Variants in IPP observed in about 807,000 individuals in gnomAD.
IPP encodes intracisternal A particle-promoted polypeptide.
In IPP, 41 loss-of-function variants were observed where a neutral mutation model predicts 64.1. The observed-to-expected ratio is 0.64, with a 90% CI of 0.50 to 0.83. The LOEUF (loss-of-function observed/expected upper bound fraction) is 0.83, where lower values mean the gene tolerates loss of function less well. Among genes scored for constraint, IPP ranks in the 40% least tolerant of loss-of-function variants. The probability of loss-of-function intolerance (pLI) is 0.00; values close to 1 mark genes in which losing one functional copy is unlikely to be tolerated. For synonymous variants in IPP, 214 were observed against 235.2 expected (o/e 0.91, Z 0.83); for missense variants, 649 against 703.0 (o/e 0.92, Z 0.87).
chr1:45,750,217 T>C (rs1646203029), intron 1 of IPP, among the ~76,000 whole-genome samples: 1 of 152,236 alleles, frequency 6.6e-6, no homozygotes, highest in African/African-American at 2.4e-5. Context: ...CGTGGTTCTT[T>C]GTGCTTGAGT....
At chr1:45,736,839 A>C (rs1226544003) in intron 3 of IPP, among the ~76,000 whole-genome samples, 1 of 151,880 alleles carries the variant, frequency 6.6e-6, no homozygotes, top group Admixed American at 6.6e-5. Flanking sequence ...GGAGATCGAG[A>C]CCATCCTGGC....
chr1:45,740,363 T>C (rs970881984), intron 3 of IPP, among the ~76,000 whole-genome samples: 8 of 152,170 alleles, frequency 5.3e-5, no homozygotes, highest in Admixed American at 2.0e-4. Flanking sequence ...GGGTGGTGGC[T>C]GGGCAGAGGG....
chr1:45,714,176 G>A (rs894115671), intron 8 of IPP, 70 bp downstream of exon 8: 2 of 1,088,720 alleles, frequency 1.8e-6, no homozygotes, highest in Admixed American at 1.8e-5. Context: ...GAAAAAGAGT[G>A]CATCACCACA....
At chr1:45,746,575 A>G in intron 1 of IPP, 114 bp from the exon 2 acceptor site, 1 of 568,910 alleles carries the variant, frequency 1.8e-6, no homozygotes, top group South Asian at 2.3e-5. Context: ...TAAAACAAAT[A>G]AGGACTAAAG....
At chr1:45,738,762 C>G (rs998548358) in intron 3 of IPP, among the ~76,000 whole-genome samples, 5 of 149,252 alleles carry the variant, frequency 3.4e-5, no homozygotes, top group African/African-American at 1.2e-4. Flanking sequence ...ATGGTGTGAA[C>G]CCAGGAGGCG....
intron 8 of IPP, among the ~76,000 whole-genome samples, chr1:45,711,301 A>G (rs1171745240): frequency 2.0e-5 from 3 of 152,128 alleles, no homozygotes; most frequent in Non-Finnish European, 4.4e-5. Flanking sequence ...AGATCACGCC[A>G]TTGCACTTCA....
Position 45,741,345 on chromosome 1 carries a change from G to A in IPP, c.293-13C>T. ...ATGTTCACTATACCTAGAGAAGTAG[G>A]AAGACAAAATGGCCAATAAAATAAA... is the stretch of plus-strand genomic sequence containing the variant. On this transcript the variant is annotated splice_polypyrimidine_tract_variant and intron_variant, in intron 2 of 8. Transcript: ENST00000396478. 1.3e-6 allele frequency: 2 copies of A among 1,553,082 alleles called. No individual in the cohort carries two copies. Among genetic ancestry groups the A allele is most frequent in the Non-Finnish European group, 1.7e-6 (2 of 1,145,008 alleles).
chr1:45,706,212 A>C (rs967575155), intron 8 of IPP, among the ~76,000 whole-genome samples: 5 of 152,172 alleles, frequency 3.3e-5, no homozygotes, highest in Admixed American at 3.3e-4. Context: ...CACCTGGGGC[A>C]ATCAGCAGAG....
chr1:45,746,004 A>T, intron 2 of IPP, 116 bp downstream of exon 2: 1 of 862,540 alleles, frequency 1.2e-6, no homozygotes, highest in East Asian at 2.6e-5. Context: ...TTTCAGTCAC[A>T]TAATAACATG....
intron 1 of IPP, among the ~76,000 whole-genome samples, chr1:45,747,116 A>T (rs78525467): frequency 1.4e-4 from 21 of 149,988 alleles, no homozygotes; most frequent in Non-Finnish European, 2.8e-4. Context: ...GCGCGCGCAC[A>T]CGAGCGCGCG....
intron 3 of IPP, among the ~76,000 whole-genome samples, chr1:45,739,380 C>T (rs1239225985): frequency 2.0e-5 from 3 of 149,400 alleles, no homozygotes; most frequent in Non-Finnish European, 4.4e-5. Context: ...ACTATAAGTG[C>T]ATGCCACCGT....
intron 8 of IPP, among the ~76,000 whole-genome samples, chr1:45,704,953 C>G (rs1645497818): frequency 6.6e-6 from 1 of 152,158 alleles, no homozygotes; most frequent in Admixed American, 6.6e-5. Context: ...TCTGAATAAC[C>G]CACCACTTAA....
chr1:45,737,866 T>G (rs1305450625), intron 3 of IPP, among the ~76,000 whole-genome samples: 1 of 152,030 alleles, frequency 6.6e-6, no homozygotes, highest in African/African-American at 2.4e-5. Context: ...CATAGGTACT[T>G]TATCATCTCA....
At position 45,719,185 on chromosome 1, in the gene IPP, A is replaced by C; in HGVS notation, c.1186+18T>G. ...CATAAACAATATTAGCTATCTTTAA[A>C]CTGAACAACATAATTACCCAAAGCA... On this transcript the variant is annotated intron_variant, in intron 6 of 8. Transcript: ENST00000396478. 6.2e-7 allele frequency: 1 copy of C among 1,613,290 alleles called. No individual in the cohort carries two copies.
In IPP at chr1:45,747,516, C is replaced by T. The variant is rs1028178846; in HGVS notation, c.-50-1055G>A. 4.6e-5 allele frequency among the ~76,000 whole-genome samples: 7 copies of T among 152,136 alleles called. No individual in the cohort carries two copies. The East Asian group carries it at 5.8e-4, about 13-fold the overall frequency. On this transcript the variant is annotated intron_variant, in intron 1 of 8. Transcript: ENST00000396478. Reference sequence around the variant, plus strand: ...ATAGGAATTATTAGGCCACCGGACACGTTCTAAATTACTTTTTAAATAAAG... The same window carrying T: ...ATAGGAATTATTAGGCCACCGGACATGTTCTAAATTACTTTTTAAATAAAG...
chr1:45,724,812 C>G (rs1277747093), intron 5 of IPP, among the ~76,000 whole-genome samples: 2 of 151,012 alleles, frequency 1.3e-5, no homozygotes, highest in Non-Finnish European at 3.0e-5. Context: ...GTGAGGAGCC[C>G]CTCCGTCCGG....
At chr1:45,748,655 G>C (rs1199084783) in intron 1 of IPP, among the ~76,000 whole-genome samples, 3 of 152,060 alleles carry the variant, frequency 2.0e-5, no homozygotes, top group Non-Finnish European at 2.9e-5. Flanking sequence ...CTGGACAACA[G>C]AGCAAGACCG....
Position 45,746,070 on chromosome 1 carries a change from T to C in IPP, c.292+50A>G, listed in dbSNP as rs375600092. Reference sequence around the variant, plus strand: ...CAATTTATATTTCCACATTAGTGCATGAGTGATTGAATCATTCTTCAGTCA... The same window carrying C: ...CAATTTATATTTCCACATTAGTGCACGAGTGATTGAATCATTCTTCAGTCA... On this transcript the variant is annotated intron_variant, in intron 2 of 8. Coordinates refer to ENST00000396478, the MANE Select transcript of IPP (RefSeq NM_005897.3). The C allele has an allele frequency of 1.8e-4, 256 of 1,441,698 alleles. 1 individual carries two copies. Among genetic ancestry groups the C allele is most frequent in the Admixed American group, 2.6e-4 (15 of 57,228 alleles). 89.3% of individuals were successfully genotyped at this position (1,441,698 alleles called of 1,614,324 possible).
chr1:45,738,860 A>AC (rs1201149160), intron 3 of IPP, among the ~76,000 whole-genome samples: 3 of 150,958 alleles, frequency 2.0e-5, no homozygotes, highest in Admixed American at 6.6e-5. Context: ...AAAAAAAAAA[A>AC]AAAAACAAGA....
Sources: allele counts gnomAD v4.1 joint callset (sites outside exome capture counted in the v4.1 genomes callset), GRCh38; gene constraint gnomAD v4.1.1; transcripts MANE v1.5; gene names NCBI Gene and HGNC (gene_info 2026-07-23, HGNC 2026-07-21).